Variants in ZNF248 observed in about 807,000 individuals in gnomAD.
ZNF248 encodes the protein zinc finger protein 248.
A neutral mutation model predicts 44.3 loss-of-function variants in ZNF248; 20 were observed. The observed-to-expected ratio is 0.45, with a 90% CI of 0.32 to 0.66. The LOEUF (loss-of-function observed/expected upper bound fraction) is 0.66, where lower values mean the gene tolerates loss of function less well. ZNF248 is among the 30% of genes least tolerant of loss of function. The pLI is 0.04. For synonymous variants in ZNF248, 224 were observed against 229.0 expected, an observed-to-expected ratio of 0.98 and a Z score of 0.20; for missense variants, 654 against 677.0, an observed-to-expected ratio of 0.97 and a Z score of 0.38.
At chr10:37,787,049 C>A (rs774141763) in intron 6 of ZNF248, among the ~76,000 whole-genome samples, 5 of 151,958 alleles carry the variant, frequency 3.3e-5, no homozygotes, top group Non-Finnish European at 7.4e-5. Context: ...GGAGGCTGAG[C>A]CAGGCAGATC....
intron 3 of ZNF248, among the ~76,000 whole-genome samples, chr10:37,838,657 ACCAATGTTT>A (rs916227827): frequency 2.2e-4 from 34 of 152,178 alleles, no homozygotes; most frequent in African/African-American, 7.9e-4. Flanking sequence ...TGGAGCTTCC[ACCAATGTTT>A]CCAATGTTTC....
intron 6 of ZNF248, among the ~76,000 whole-genome samples, chr10:37,800,178 T>C (rs939845490): frequency 2.6e-5 from 4 of 152,228 alleles, no homozygotes; most frequent in Non-Finnish European, 4.4e-5. Context: ...GTAAGTTGCA[T>C]GTCATGAAGA....
intron 6 of ZNF248, among the ~76,000 whole-genome samples, chr10:37,822,212 T>C (rs1445937024): frequency 6.6e-6 from 1 of 152,194 alleles, no homozygotes; most frequent in Non-Finnish European, 1.5e-5. Context: ...ACAAAGGACA[T>C]GGTCTGGAGC....
intron 6 of ZNF248, among the ~76,000 whole-genome samples, chr10:37,780,691 C>G (rs1057325018): frequency 7.9e-5 from 12 of 152,180 alleles, no homozygotes; most frequent in African/African-American, 2.9e-4. Flanking sequence ...GCGCACCCCG[C>G]GCGGGGCCTG....
chr10:37,811,292 T>A (rs2051446671), intron 6 of ZNF248, among the ~76,000 whole-genome samples: 1 of 152,214 alleles, frequency 6.6e-6, no homozygotes, highest in African/African-American at 2.4e-5. Context: ...GCAAAAACTT[T>A]GCACTTTTAG....
At chr10:37,807,349 G>A (rs1414134490) in intron 6 of ZNF248, among the ~76,000 whole-genome samples, 1 of 152,128 alleles carries the variant, frequency 6.6e-6, no homozygotes, top group Non-Finnish European at 1.5e-5. Flanking sequence ...AGGAGTGAAA[G>A]CAAGGGGTGC....
intron 6 of ZNF248, among the ~76,000 whole-genome samples, chr10:37,788,262 TAAA>T (rs59927437): frequency 9.1e-6 from 1 of 110,338 alleles, no homozygotes; most frequent in Non-Finnish European, 1.8e-5. Flanking sequence ...GACTCCATCT[TAAA>T]AAAAAAAAAA....
Position 37,822,370 on chromosome 10 carries a change from C to G in ZNF248, c.330+10655G>C, listed in dbSNP as rs145702948. Among the ~76,000 whole-genome samples, 3 of 151,978 alleles carry G rather than the reference C, an allele frequency of 2.0e-5. No homozygotes were observed. In the East Asian group the frequency reaches 5.8e-4, roughly 29 times the overall value. ...TCTCCATGACTGTTTTCCCAGGTTGCAAAATACATCAACTTGGAAAAACTA... is the reference window on the plus strand; with the variant it reads ...TCTCCATGACTGTTTTCCCAGGTTGGAAAATACATCAACTTGGAAAAACTA... On this transcript the variant is annotated intron_variant, in intron 6 of 6. Coordinates refer to the ZNF248 transcript ENST00000615949.
chr10:37,833,018 C>T lies in ZNF248; in HGVS notation c.337G>A (p.Val113Ile). 6.2e-7 allele frequency: 1 copy of T among 1,613,708 alleles called. No homozygotes were observed. The highest frequency in any genetic ancestry group is 1.1e-5 in the South Asian group (1 of 91,062). Reference sequence around the variant, plus strand: ...TTGCTTCCTCTATCTCCATTTTCTACACTTACTGTTTTGTTGTTGTGGAAT... The same window carrying T: ...TTGCTTCCTCTATCTCCATTTTCTATACTTACTGTTTTGTTGTTGTGGAAT... ...LLFHNNKTVS[V>I]ENGDRGSKTF... Residue 113 changes from valine (V) to isoleucine (I), a missense_variant, in exon 6 of 6, where the codon GTA (valine) becomes ATA (isoleucine). Val to Ile is a conservative substitution (Grantham distance 29, BLOSUM62 3). Coordinates refer to ENST00000395867, the MANE Select transcript of ZNF248 (RefSeq NM_021045.3).
At chr10:37,816,005 A>AAAG (rs761575236) in intron 6 of ZNF248, among the ~76,000 whole-genome samples, 7,601 of 149,028 alleles carry the variant, frequency 0.051, 261 homozygotes, top group Middle Eastern at 0.083. Context: ...AAAAAAAAAA[A>AAAG]AGAGAGAGAG....
At chr10:37,812,055 G>A (rs780039097) in intron 6 of ZNF248, among the ~76,000 whole-genome samples, 8 of 151,884 alleles carry the variant, frequency 5.3e-5, no homozygotes, top group Non-Finnish European at 2.9e-5. Flanking sequence ...GGGCAACATG[G>A]CAAAACTCCA....
In ZNF248 at chr10:37,831,337, A is replaced by AT. The variant is rs757226526; in HGVS notation, c.*277dup. The AT allele has an allele frequency of 9.7e-6, 15 of 1,548,478 alleles. No homozygotes were observed. Among genetic ancestry groups the AT allele is most frequent in the African/African-American group, 1.4e-5 (1 of 73,060 alleles). On this transcript the variant is annotated 3_prime_UTR_variant, in exon 6 of 6. Coordinates refer to ENST00000395867, the MANE Select transcript of ZNF248 (RefSeq NM_021045.3). ...ACTGTGAATATGGGTATAAATAAAT[A>AT]TTGTCCATTATATTTGCAACAAAAT...
chr10:37,849,105 T>C (rs1036060201), intron 3 of ZNF248, among the ~76,000 whole-genome samples: 6 of 152,050 alleles, frequency 3.9e-5, no homozygotes, highest in Admixed American at 3.9e-4. Context: ...CACACTGCCA[T>C]GATAAGCTTT....
At chr10:37,815,689 C>G (rs2052336660) in intron 6 of ZNF248, among the ~76,000 whole-genome samples, 1 of 151,762 alleles carries the variant, frequency 6.6e-6, no homozygotes, top group Admixed American at 6.6e-5. Context: ...CTTTGTTCAT[C>G]TTTTGATTTT....
intron 6 of ZNF248, among the ~76,000 whole-genome samples, chr10:37,813,691 G>A (rs2051941347): frequency 6.6e-6 from 1 of 152,016 alleles, no homozygotes; most frequent in Non-Finnish European, 1.5e-5. Context: ...TTATTGGTAA[G>A]TCTTCTGGTC....
intron 3 of ZNF248, among the ~76,000 whole-genome samples, chr10:37,844,178 A>G (rs2058867540): frequency 1.3e-5 from 2 of 152,224 alleles, no homozygotes; most frequent in South Asian, 4.1e-4. Flanking sequence ...TAGAGACCAG[A>G]AGGCAGTGGG....
At chr10:37,767,071 A>G in the ZNF248 span, among the ~76,000 whole-genome samples, 2 of 152,004 alleles carry the variant, frequency 1.3e-5, no homozygotes, top group African/African-American at 2.4e-5. Flanking sequence ...GGAAGTTTAG[A>G]AAAAAAAGAA....
the ZNF248 span, among the ~76,000 whole-genome samples, chr10:37,767,081 A>G: frequency 5.3e-5 from 8 of 152,206 alleles, no homozygotes; most frequent in Admixed American, 1.3e-4. Context: ...AAAAAAAAGA[A>G]TAAAAAGAAA....
At chr10:37,775,853 T>C (rs2046544794), downstream of ZNF248, among the ~76,000 whole-genome samples, 1 of 152,162 alleles carries the variant, frequency 6.6e-6, no homozygotes, top group African/African-American at 2.4e-5. Flanking sequence ...GTTTTAAGAT[T>C]GTTTGCTTCT....
Sources: gnomAD v4.1 joint callset for allele counts (sites outside exome capture counted in the v4.1 genomes callset) on GRCh38, gnomAD v4.1.1 for gene constraint, MANE v1.5 for transcripts, NCBI Gene and HGNC (gene_info 2026-07-23, HGNC 2026-07-21) for gene names.